The following APEH variants were observed in gnomAD, a reference collection of about 807,000 sequenced individuals.
APEH encodes acylamino-acid-releasing enzyme.
APEH carries 75 observed loss-of-function variants against 102.7 expected under a neutral mutation model. The observed-to-expected ratio is 0.73, with a 90% confidence interval of 0.61 to 0.89. The LOEUF (loss-of-function observed/expected upper bound fraction) is 0.89, where lower values mean the gene tolerates loss of function less well. Among genes scored for constraint, APEH ranks in the 40% least tolerant of loss-of-function variants. The pLI, the probability that APEH is intolerant of heterozygous loss-of-function variation, is 0.00. For synonymous variants in APEH, 344 were observed against 362.7 expected, an observed-to-expected ratio of 0.95 and a Z score of 0.59; for missense variants, 863 against 941.2, an observed-to-expected ratio of 0.92 and a Z score of 1.09.
chr3:49,681,100 G>A lies in APEH; in HGVS notation c.1300-1G>A. The A allele has an allele frequency of 6.3e-7, 1 of 1,577,500 alleles. No homozygotes were observed. On this transcript the variant is annotated splice_acceptor_variant, in intron 14 of 21. Transcript: ENST00000296456. LOFTEE classifies it high-confidence loss of function. ...TATGACACATTCTTTCCCCTTGGCAGAAAGTTGGGTTCCTGCCTTCTGCAG... is the reference window on the plus strand; with the variant it reads ...TATGACACATTCTTTCCCCTTGGCAAAAAGTTGGGTTCCTGCCTTCTGCAG...
In APEH at chr3:49,679,826, C is replaced by T. The variant is rs1575475032; in HGVS notation, c.1210+182C>T. On this transcript the variant is annotated intron_variant, in intron 13 of 21. Transcript: ENST00000296456. This position sits in a 1 kb window ranked among gnomAD's most constrained non-coding sequence, Gnocchi z 4.3. ...GCCCCTGTCTGTGCAGACCCTTACC[C>T]AACCAACAGACTAGCTTCCCTGCTC... 3.3e-6 allele frequency: 2 copies of T among 599,212 alleles called. No homozygotes were observed. The highest frequency in any genetic ancestry group is 2.9e-5 in the East Asian group (1 of 33,918). The allele number at this position is 599,212 out of a possible 1,614,324, so 37.1% of individuals were successfully genotyped here.
At chr3:49,675,867 A>C (rs2053018682) in intron 4 of APEH, 24 bp from the exon 5 acceptor site, 1 of 1,613,826 alleles carries the variant, frequency 6.2e-7, no homozygotes, top group South Asian at 1.1e-5. Context: ...GCGGGCAAAC[A>C]GCCTAATGCC....
Position 49,683,273 on chromosome 3 carries a change from A to G in APEH, c.2130A>G (p.Ser710=), listed in dbSNP as rs2053440893. 2 of 1,614,060 alleles carry G rather than the reference A, an allele frequency of 1.2e-6. No individual in the cohort carries two copies. The highest frequency in any genetic ancestry group is 1.7e-6 in the Non-Finnish European group (2 of 1,179,990). Residue 710 remains serine (S), a synonymous_variant, in exon 22 of 22, where the codon TCA becomes TCG. Coordinates refer to ENST00000296456, the MANE Select transcript of APEH (RefSeq NM_001640.4). ...LLYPKSTHAL[S]EVEVESDSFM... ...ATCCCAAAAGCACCCACGCATTATC[A>G]GAGGTGGAGGTGGAGTCAGACAGCT...
intron 6 of APEH, 29 bp downstream of exon 6, chr3:49,676,248 G>T: frequency 6.2e-7 from 1 of 1,612,352 alleles, no homozygotes; most frequent in South Asian, 1.1e-5. Context: ...CGAAGGCCCG[G>T]CAGGGCAGCC....
chr3:49,674,716 G>T, intron 2 of APEH, 95 bp downstream of exon 2: 1 of 1,476,490 alleles, frequency 6.8e-7, no homozygotes. Flanking sequence ...CAGTGCGTAA[G>T]GGTATATAGG....
At position 49,676,054 on chromosome 3, in the gene APEH, A is replaced by G. The variant is rs1413928142; in HGVS notation, c.443-2A>G. The G allele has an allele frequency of 1.2e-6, 2 of 1,614,216 alleles. No homozygotes were observed. Among genetic ancestry groups the G allele is most frequent in the Non-Finnish European group, 1.7e-6 (2 of 1,180,032 alleles). On this transcript the variant is annotated splice_acceptor_variant, in intron 5 of 21. Transcript: ENST00000296456. LOFTEE classifies it high-confidence loss of function. ...CCCCTGATTGGCCCTCCCTGCACCC[A>G]GACTGCTTTGGCTGCCTGTCCTGGT...
At chr3:49,675,069 A>G (rs2052961760) in intron 2 of APEH, 114 bp from the exon 3 acceptor site, 1 of 1,414,828 alleles carries the variant, frequency 7.1e-7, no homozygotes, top group Non-Finnish European at 9.7e-7. Flanking sequence ...GTGTCTGGAG[A>G]CAGATTGAGA....
Position 49,674,731 on chromosome 3 carries a change from C to T in APEH, c.145+110C>T, listed in dbSNP as rs374633396. The T allele has an allele frequency of 9.9e-6, 14 of 1,414,966 alleles. No individual in the cohort carries two copies. In the East Asian group the frequency reaches 1.2e-4, roughly 12 times the overall value. The allele number at this position is 1,414,966 out of a possible 1,614,324, so 87.7% of individuals were successfully genotyped here. ...CAGTGCGTAAGGGTATATAGGGAGC[C>T]GGCCTGGACTTGGAGGTTACACTCC... On this transcript the variant is annotated intron_variant, in intron 2 of 21. Transcript: ENST00000296456.
At chr3:49,674,768 G>A in intron 2 of APEH, 147 bp downstream of exon 2, 2 of 1,160,178 alleles carry the variant, frequency 1.7e-6, no homozygotes, top group South Asian at 1.5e-5. Flanking sequence ...ACAGGTCCCT[G>A]CACACAGGTG....
Position 49,674,421 on chromosome 3 carries a change from C to A in APEH, c.12+8C>A. Reference sequence around the variant, plus strand: ...GAGACTATGGAACGTCAGGTGAGGGCTCGGCCCGCGGTCCCCGTGGTCCCT... The same window carrying A: ...GAGACTATGGAACGTCAGGTGAGGGATCGGCCCGCGGTCCCCGTGGTCCCT... On this transcript the variant is annotated splice_region_variant and intron_variant, in intron 1 of 21. Coordinates refer to ENST00000296456, the MANE Select transcript of APEH (RefSeq NM_001640.4). 6.4e-7 allele frequency: 1 copy of A among 1,573,882 alleles called. No homozygotes were observed. The highest frequency in any genetic ancestry group is 8.6e-7 in the Non-Finnish European group (1 of 1,165,946).
chr3:49,682,363 C>G lies in APEH; in HGVS notation c.1619C>G (p.Ser540Cys), dbSNP rs1269062451. 1 of 1,613,670 alleles carries G rather than the reference C, an allele frequency of 6.2e-7. No individual in the cohort carries two copies. The highest frequency in any genetic ancestry group is 8.5e-7 in the Non-Finnish European group (1 of 1,179,752). ...CTGCCCTCAGTGAACTATCGTGGCT[C>G]CACGGGCTTTGGCCAGGACAGCATC... Reference protein sequence around the residue: ...FAVLLVNYRGSTGFGQDSILS... With the variant: ...FAVLLVNYRGCTGFGQDSILS... Residue 540 changes from serine (S) to cysteine (C), a missense_variant, in exon 18 of 22, where the codon TCC (serine) becomes TGC (cysteine). Transcript: ENST00000296456.
chr3:49,683,041 T>G lies in APEH; in HGVS notation c.1988T>G (p.Val663Gly), dbSNP rs2053425392. Residue 663 changes from valine (V) to glycine (G), a missense_variant and splice_region_variant, in exon 21 of 22, where the codon GTG (valine) becomes GGG (glycine). Val to Gly is a moderately radical substitution (Grantham distance 109). Transcript: ENST00000296456. Reference protein sequence around the residue: ...DKSPIRYIPQVKTPLLLMLGQ... With the variant: ...DKSPIRYIPQGKTPLLLMLGQ... ...CCCCACTCTTCCCCAAACACCCAGG[T>G]GAAGACACCACTGTTACTGATGTTG... 4.3e-6 allele frequency: 7 copies of G among 1,613,722 alleles called. No individual in the cohort carries two copies. The highest frequency in any genetic ancestry group is 5.9e-6 in the Non-Finnish European group (7 of 1,179,828).
chr3:49,683,411 G>A lies in APEH; in HGVS notation c.*69G>A. 1 of 1,391,880 alleles carries A rather than the reference G, an allele frequency of 7.2e-7. No homozygotes were observed. Among genetic ancestry groups the A allele is most frequent in the Admixed American group, 1.7e-5 (1 of 59,476 alleles). 86.2% of individuals were successfully genotyped at this position (1,391,880 alleles called of 1,614,324 possible). On this transcript the variant is annotated 3_prime_UTR_variant, in exon 22 of 22. Coordinates refer to ENST00000296456, the MANE Select transcript of APEH (RefSeq NM_001640.4). ...CGCTCTTGAGGAGCTCAACGGTCTG[G>A]CAGGGCAGCAGGAGGCTTTCTGGGC...
chr3:49,681,585 G>A, intron 15 of APEH, 137 bp from the exon 16 acceptor site: 3 of 764,018 alleles, frequency 3.9e-6, no homozygotes, highest in Non-Finnish European at 6.1e-6. Context: ...AGCCTTCTGG[G>A]GTCCATGTGT....
rs2052926053 is a variant in APEH at position 49,674,528 on chromosome 3, C to T, written c.52C>T (p.Arg18Trp). Residue 18 changes from arginine to tryptophan, a missense_variant, in exon 2 of 22, where the codon CGG becomes TGG. Transcript: ENST00000296456. The part of the protein sequence containing the change: ...SEPEEAAALY[R>W]GLSRQPALSA... ...GCCCGAGGAGGCGGCGGCTCTGTATCGGGGCCTTAGCCGCCAGCCCGCGCT... is the reference window on the plus strand; with the variant it reads ...GCCCGAGGAGGCGGCGGCTCTGTATTGGGGCCTTAGCCGCCAGCCCGCGCT... 3 of 1,567,470 alleles carry T rather than the reference C, an allele frequency of 1.9e-6. No individual in the cohort carries two copies. Among genetic ancestry groups the T allele is most frequent in the African/African-American group, 2.7e-5 (2 of 74,578 alleles).
Position 49,679,695 on chromosome 3 carries a change from A to G in APEH, c.1210+51A>G, listed in dbSNP as rs751527394. Reference sequence around the variant, plus strand: ...TAAGGGCAGGGCTGGTGAGCAAGCCAACCAGGCAGCGGGGGACTGGAGCTC... The same window carrying G: ...TAAGGGCAGGGCTGGTGAGCAAGCCGACCAGGCAGCGGGGGACTGGAGCTC... On this transcript the variant is annotated intron_variant, in intron 13 of 21. Transcript: ENST00000296456. The surrounding 1 kb of genome is among the most constrained non-coding windows in gnomAD (Gnocchi z 4.3). 2 of 1,575,526 alleles carry G rather than the reference A, an allele frequency of 1.3e-6. No homozygotes were observed. The highest frequency in any genetic ancestry group is 1.7e-4 in the Middle Eastern group (1 of 5,964).
chr3:49,676,265 C>G (rs1240975859), intron 6 of APEH, 46 bp downstream of exon 6: 1 of 1,611,066 alleles, frequency 6.2e-7, no homozygotes. Flanking sequence ...AGCCCTGGGG[C>G]TCAGTGTGCT....
At chr3:49,674,125 A>C, upstream of APEH, 1 of 504,230 alleles carries the variant, frequency 2.0e-6, no homozygotes, top group Non-Finnish European at 3.5e-6. Flanking sequence ...GAGGCCCAGG[A>C]CTCAGCCCAC....
chr3:49,674,633 A>T lies in APEH; in HGVS notation c.145+12A>T. On this transcript the variant is annotated intron_variant, in intron 2 of 21. Coordinates refer to ENST00000296456, the MANE Select transcript of APEH (RefSeq NM_001640.4). ...GACGGTGCACACTGGTGTGTGTGCG[A>T]AGGGGAACTGGCTGGCGACGGGGTC... 1 of 1,587,280 alleles carries T rather than the reference A, an allele frequency of 6.3e-7. No homozygotes were observed. Among genetic ancestry groups the T allele is most frequent in the Non-Finnish European group, 8.5e-7 (1 of 1,176,124 alleles).
Sources: gnomAD v4.1 joint callset for allele counts on GRCh38, gnomAD v4.1.1 for gene constraint, Gnocchi (gnomAD v3.1) non-coding constraint, MANE v1.5 for transcripts, NCBI Gene and HGNC (gene_info 2026-07-23, HGNC 2026-07-21) for gene names.